TAMM41: variants seen among roughly 807,000 people sequenced by gnomAD.
TAMM41 encodes the protein TAM41 mitochondrial translocator assembly and maintenance homolog.
Under a neutral mutation model 44.1 loss-of-function variants are expected in TAMM41, and 36 were observed. The observed-to-expected ratio is 0.82, with a 90% confidence interval of 0.63 to 1.08. TAMM41 has a LOEUF of 1.08. TAMM41 is among the 50% of genes least tolerant of loss of function. TAMM41 has a pLI of 0.00. For missense variants in TAMM41, 417 were observed against 404.3 expected (o/e 1.03, Z -0.27); for synonymous variants, 164 against 153.1 (o/e 1.07, Z -0.53).
chr3:11,818,956 G>C (rs1053022035), intron 4 of TAMM41, among the ~76,000 whole-genome samples: 1 of 151,916 alleles, frequency 6.6e-6, no homozygotes, highest in Non-Finnish European at 1.5e-5. Flanking sequence ...GTGTACAGGG[G>C]GTCTGACTGT....
chr3:11,741,983 A>G, the TAMM41 span, among the ~76,000 whole-genome samples: 1 of 150,212 alleles, frequency 6.7e-6, no homozygotes, highest in Non-Finnish European at 1.5e-5. Flanking sequence ...AAATTCCATC[A>G]TGCTGCTCAG....
chr3:11,726,945 T>C, the TAMM41 span, among the ~76,000 whole-genome samples: 1 of 152,096 alleles, frequency 6.6e-6, no homozygotes. Context: ...CAGGTGCATT[T>C]CTACTTTTCT....
chr3:11,778,746 A>G, the TAMM41 span, among the ~76,000 whole-genome samples: 16 of 151,998 alleles, frequency 1.1e-4, no homozygotes, highest in African/African-American at 3.4e-4. Flanking sequence ...CCTGATGATG[A>G]GTGATGTTGG....
At chr3:11,748,911 A>T in the TAMM41 span, among the ~76,000 whole-genome samples, 5,053 of 119,084 alleles carry the variant, frequency 0.042, 363 homozygotes, top group African/African-American at 0.15. Flanking sequence ...TGGGAAGTAG[A>T]TTTTTTTTTT....
At chr3:11,829,554 T>C (rs2078896400) in intron 4 of TAMM41, among the ~76,000 whole-genome samples, 160 bp downstream of exon 4, 1 of 151,964 alleles carries the variant, frequency 6.6e-6, no homozygotes, top group African/African-American at 2.4e-5. Context: ...ACCCAGGAGG[T>C]AGGGAGGCAA....
intron 5 of TAMM41, among the ~76,000 whole-genome samples, chr3:11,815,432 C>T (rs904807461): frequency 2.6e-5 from 4 of 152,020 alleles, no homozygotes; most frequent in Admixed American, 6.6e-5. Context: ...AAGAGTTTTA[C>T]GGATCTGTCA....
At chr3:11,725,454 C>CCTCCTCCTCCTCCTCCTCCTTCTT in the TAMM41 span, among the ~76,000 whole-genome samples, 7 of 137,720 alleles carry the variant, frequency 5.1e-5, no homozygotes, top group African/African-American at 1.9e-4. Context: ...TCCTCCTCCT[C>CCTCCTCCTCCTCCTCCTCCTTCTT]CTTCTTCTTC....
chr3:11,759,455 AG>A, the TAMM41 span, among the ~76,000 whole-genome samples: 1 of 151,970 alleles, frequency 6.6e-6, no homozygotes, highest in East Asian at 1.9e-4. Context: ...CTCCTACCCC[AG>A]CACCTCCTGA....
At chr3:11,846,461 G>A in intron 1 of TAMM41, 41 bp downstream of exon 1, 1 of 1,612,872 alleles carries the variant, frequency 6.2e-7, no homozygotes, top group Non-Finnish European at 8.5e-7. Context: ...CGGGACTCGT[G>A]AGAACAGACA....
chr3:11,841,911 G>A (rs555725017), intron 2 of TAMM41, among the ~76,000 whole-genome samples: 2 of 152,302 alleles, frequency 1.3e-5, no homozygotes, highest in African/African-American at 4.8e-5. Flanking sequence ...CAAAATACAG[G>A]TGAAGCAAGG....
chr3:11,833,138 A>G lies in TAMM41; in HGVS notation c.412-3274T>C, dbSNP rs539490077. 519 of 1,285,210 alleles carry G rather than the reference A, an allele frequency of 4.0e-4. 8 individuals carry two copies. The South Asian group carries it at 5.9e-3, about 15-fold the overall frequency. 79.6% of individuals were successfully genotyped at this position (1,285,210 alleles called of 1,614,324 possible). On this transcript the variant is annotated intron_variant, in intron 3 of 7. Coordinates refer to ENST00000455809, the MANE Select transcript of TAMM41 (RefSeq NM_001284401.2). The stretch of plus-strand genomic sequence containing the variant: ...TGAAAAGCCAGTGAACTCTTGGGAC[A>G]CTGCCAGAGAGGCCTGGGAAAAAAA...
the TAMM41 span, among the ~76,000 whole-genome samples, chr3:11,753,174 C>T: frequency 7.5e-3 from 1,138 of 151,974 alleles, 9 homozygotes; most frequent in Non-Finnish European, 0.01. Context: ...ACCTGCAATC[C>T]CAGCACTTTG....
intron 4 of TAMM41, among the ~76,000 whole-genome samples, chr3:11,827,262 T>G (rs2125022035): frequency 6.6e-6 from 1 of 152,198 alleles, no homozygotes; most frequent in Middle Eastern, 3.4e-3. Context: ...AATGCTGACT[T>G]CTAAGAAAAA....
chr3:11,739,327 C>G, the TAMM41 span, among the ~76,000 whole-genome samples: 14,735 of 152,190 alleles, frequency 0.097, 980 homozygotes, highest in South Asian at 0.13. Flanking sequence ...TTGCCCTAAT[C>G]AGAGAATCTG....
At chr3:11,799,770 G>T (rs2077701263) in intron 7 of TAMM41, among the ~76,000 whole-genome samples, 1 of 152,148 alleles carries the variant, frequency 6.6e-6, no homozygotes, top group East Asian at 1.9e-4. Context: ...CTGCAAAAAG[G>T]ACTTCAACAT....
At chr3:11,774,955 G>A in the TAMM41 span, among the ~76,000 whole-genome samples, 1 of 145,898 alleles carries the variant, frequency 6.9e-6, no homozygotes, top group Non-Finnish European at 1.5e-5. Context: ...CGCAATCTCC[G>A]CCCCCCAGGT....
chr3:11,837,504 GTT>G (rs2079234379), intron 3 of TAMM41, among the ~76,000 whole-genome samples: 1 of 149,822 alleles, frequency 6.7e-6, no homozygotes, highest in Non-Finnish European at 1.5e-5. Context: ...TTTGTTTCCT[GTT>G]TCTACTAAAG....
chr3:11,820,531 T>C (rs1236500497), intron 4 of TAMM41, among the ~76,000 whole-genome samples: 1 of 152,216 alleles, frequency 6.6e-6, no homozygotes, highest in Non-Finnish European at 1.5e-5. Context: ...CCTTGTGCAC[T>C]GCCTGGCACA....
chr3:11,737,661 A>G, the TAMM41 span, among the ~76,000 whole-genome samples: 72 of 152,316 alleles, frequency 4.7e-4, no homozygotes, highest in African/African-American at 1.5e-3. Context: ...AAATATGTAT[A>G]TCATCAAACT....
Sources: gnomAD v4.1 joint callset for allele counts (sites outside exome capture counted in the v4.1 genomes callset) on GRCh38, gnomAD v4.1.1 for gene constraint, MANE v1.5 for transcripts, NCBI Gene and HGNC (gene_info 2026-07-23, HGNC 2026-07-21) for gene names.